TSNARE1: variants seen among roughly 807,000 people sequenced by gnomAD.
TSNARE1 encodes t-SNARE domain-containing protein 1.
In TSNARE1, 49 loss-of-function variants were observed where a neutral mutation model predicts 62.0. That is an observed-to-expected ratio of 0.79 (90% CI 0.63 to 1.00). TSNARE1 has a LOEUF of 1.00. TSNARE1 is among the 50% of genes least tolerant of loss of function. The pLI, the probability that TSNARE1 is intolerant of heterozygous loss-of-function variation, is 0.00. For missense variants in TSNARE1, 755 were observed against 700.1 expected, an observed-to-expected ratio of 1.08 and a Z score of -0.88; for synonymous variants, 328 against 294.4, an observed-to-expected ratio of 1.11 and a Z score of -1.17.
intron 4 of TSNARE1, among the ~76,000 whole-genome samples, chr8:142,333,205 G>A (rs761327255): frequency 6.6e-6 from 1 of 152,190 alleles, no homozygotes; most frequent in African/African-American, 2.4e-5. Context: ...TAGGAGCTGT[G>A]CAGTTCACTG....
At chr8:142,379,829 G>C (rs1217654921) in intron 1 of TSNARE1, among the ~76,000 whole-genome samples, 1 of 152,166 alleles carries the variant, frequency 6.6e-6, no homozygotes, top group Non-Finnish European at 1.5e-5. Flanking sequence ...GGATGCCCCA[G>C]TGCCACCCAC....
intron 10 of TSNARE1, among the ~76,000 whole-genome samples, chr8:142,289,599 C>T (rs1280473865): frequency 6.6e-6 from 1 of 152,170 alleles, no homozygotes; most frequent in Non-Finnish European, 1.5e-5. Context: ...GGGCAGGGTG[C>T]ACCCTGGCCC....
At chr8:142,376,681 G>A (rs138837791) in intron 1 of TSNARE1, among the ~76,000 whole-genome samples, 2 of 152,336 alleles carry the variant, frequency 1.3e-5, no homozygotes, top group East Asian at 3.9e-4. Flanking sequence ...TCCATGGCCT[G>A]GAGAAGGTGT....
intron 9 of TSNARE1, among the ~76,000 whole-genome samples, chr8:142,309,271 T>C (rs1827203002): frequency 1.3e-5 from 2 of 152,184 alleles, no homozygotes; most frequent in African/African-American, 4.8e-5. Flanking sequence ...CCATACTGCG[T>C]TGGATACAAC....
chr8:142,383,767 T>G (rs901804616), intron 1 of TSNARE1, among the ~76,000 whole-genome samples: 2 of 152,168 alleles, frequency 1.3e-5, no homozygotes, highest in Non-Finnish European at 2.9e-5. Flanking sequence ...GTGTTAAGTA[T>G]GGCTACGTAC....
chr8:142,327,076 A>C (rs1280938476), intron 6 of TSNARE1, among the ~76,000 whole-genome samples: 3 of 152,208 alleles, frequency 2.0e-5, no homozygotes, highest in Non-Finnish European at 2.9e-5. Context: ...AGGATTACAC[A>C]AAGAGCCACC....
At chr8:142,337,530 T>C (rs1406088701) in intron 4 of TSNARE1, among the ~76,000 whole-genome samples, 2 of 152,244 alleles carry the variant, frequency 1.3e-5, no homozygotes, top group African/African-American at 2.4e-5. Flanking sequence ...CCGTGCTTTC[T>C]AGAAACGGCT....
At chr8:142,279,628 C>A (rs1316464434) in intron 11 of TSNARE1, among the ~76,000 whole-genome samples, 1 of 152,220 alleles carries the variant, frequency 6.6e-6, no homozygotes, top group Non-Finnish European at 1.5e-5. Flanking sequence ...GGAACCGCAG[C>A]CCTTCCACTA....
At chr8:142,354,794 G>A (rs764424401) in intron 1 of TSNARE1, 31 bp from the exon 2 acceptor site, 3 of 1,319,054 alleles carry the variant, frequency 2.3e-6, no homozygotes, top group Non-Finnish European at 2.2e-6. Flanking sequence ...AGGGGGAAGA[G>A]GGGGAAGACA....
At chr8:142,248,386 G>A (rs965808912) in intron 12 of TSNARE1, among the ~76,000 whole-genome samples, 4 of 152,212 alleles carry the variant, frequency 2.6e-5, no homozygotes, top group Admixed American at 6.5e-5. Flanking sequence ...GGAGTTAAAG[G>A]GATTGAGTAA....
intron 13 of TSNARE1, among the ~76,000 whole-genome samples, chr8:142,216,243 C>T (rs570354784): frequency 6.6e-6 from 1 of 152,318 alleles, no homozygotes; most frequent in South Asian, 2.1e-4. Context: ...GGCTGAGCCT[C>T]AGCCATATGG....
rs117830795 is a variant in TSNARE1 at position 142,291,616 on chromosome 8, C to G, written c.1291-7131G>C. Among the ~76,000 whole-genome samples, 186 of 152,114 alleles carry G rather than the reference C, an allele frequency of 1.2e-3. 3 individuals are homozygous for G. The East Asian group carries it at 0.031, about 25-fold the overall frequency. ...GCAGCGTCAGGCCGGTGAGCTGCTG[C>G]GAACGCAGACGTGACGGGAACAGGC... On this transcript the variant is annotated intron_variant, in intron 10 of 13. Transcript: ENST00000524325. The surrounding 1 kb of genome is among the most constrained non-coding windows in gnomAD (Gnocchi z 4.8).
At chr8:142,318,099 C>A (rs757169892) in intron 7 of TSNARE1, among the ~76,000 whole-genome samples, 2 of 152,152 alleles carry the variant, frequency 1.3e-5, no homozygotes, top group Non-Finnish European at 2.9e-5. Context: ...GAGGCCCATG[C>A]GTCTGATAAG....
intron 4 of TSNARE1, 55 bp downstream of exon 4, chr8:142,343,911 C>T: frequency 6.9e-7 from 1 of 1,439,238 alleles, no homozygotes; most frequent in Non-Finnish European, 9.1e-7. Context: ...ATGGGCCCCC[C>T]CCTCCTGCTG....
At chr8:142,285,475 G>C (rs973776664) in intron 10 of TSNARE1, among the ~76,000 whole-genome samples, 1 of 150,288 alleles carries the variant, frequency 6.7e-6, no homozygotes, top group Non-Finnish European at 1.5e-5. Flanking sequence ...ATGGGTGCAT[G>C]GGTGGGTAGA....
intron 12 of TSNARE1, among the ~76,000 whole-genome samples, chr8:142,232,844 A>C (rs953450986): frequency 3.9e-5 from 6 of 152,218 alleles, no homozygotes; most frequent in Non-Finnish European, 7.3e-5. Flanking sequence ...CTGCAGCCCC[A>C]GACTTGTCCA....
intron 12 of TSNARE1, among the ~76,000 whole-genome samples, chr8:142,254,922 C>T (rs1481675927): frequency 1.3e-5 from 2 of 152,174 alleles, no homozygotes; most frequent in Non-Finnish European, 2.9e-5. Context: ...ACTCCCTGGG[C>T]CAGGCCCCTC....
intron 2 of TSNARE1, among the ~76,000 whole-genome samples, chr8:142,346,629 G>A (rs543825510): frequency 7.9e-5 from 12 of 152,322 alleles, no homozygotes; most frequent in African/African-American, 9.6e-5. Context: ...GCCAGACCCC[G>A]CGTGCCTGTC....
rs1265507749 is a variant in TSNARE1, at chr8:142,212,152, G to A, written c.*173C>T. On this transcript the variant is annotated 3_prime_UTR_variant, in exon 14 of 14. Coordinates refer to ENST00000524325, the MANE Select transcript of TSNARE1 (RefSeq NM_145003.5). Reference sequence around the variant, plus strand: ...AGGGGCGAGTGGGGTCAGTGCAGGGGAGGACAGCAGGCAGCTGTGAAGCTC... The same window carrying A: ...AGGGGCGAGTGGGGTCAGTGCAGGGAAGGACAGCAGGCAGCTGTGAAGCTC... 1 of 152,458 alleles carries A rather than the reference G, an allele frequency of 6.6e-6. No homozygotes were observed. Among genetic ancestry groups the A allele is most frequent in the Non-Finnish European group, 1.5e-5 (1 of 68,228 alleles). The allele number at this position is 152,458 out of a possible 1,614,324, so 9.4% of individuals were successfully genotyped here.
Sources: allele counts gnomAD v4.1 joint callset (sites outside exome capture counted in the v4.1 genomes callset), GRCh38; gene constraint gnomAD v4.1.1; non-coding constraint Gnocchi (gnomAD v3.1); transcripts MANE v1.5; gene names NCBI Gene and HGNC (gene_info 2026-07-23, HGNC 2026-07-21).